KCTD13: variants seen among roughly 807,000 people sequenced by gnomAD.
KCTD13 encodes the protein BTB/POZ domain-containing adapter for CUL3-mediated RhoA degradation protein 1.
Under a neutral mutation model 32.3 loss-of-function variants are expected in KCTD13, and 15 were observed. The observed-to-expected ratio is 0.46, with a 90% CI of 0.31 to 0.71. KCTD13 has a LOEUF of 0.71. Ranked by LOEUF, KCTD13 falls within the 30% of genes least tolerant of loss-of-function variation. The pLI is 0.05. For missense variants in KCTD13, 337 were observed against 452.6 expected, an observed-to-expected ratio of 0.74 and a Z score of 2.32; for synonymous variants, 189 against 200.1, an observed-to-expected ratio of 0.94 and a Z score of 0.47.
At chr16:29,907,806 T>A (rs1234997548) in intron 5 of KCTD13, among the ~76,000 whole-genome samples, 1 of 151,028 alleles carries the variant, frequency 6.6e-6, no homozygotes, top group East Asian at 1.9e-4. Context: ...AATAAATAAA[T>A]AAAATAAAAT....
chr16:29,925,692 G>A (rs1424260360), intron 1 of KCTD13, 98 bp downstream of exon 1: 5 of 1,200,588 alleles, frequency 4.2e-6, no homozygotes, highest in Non-Finnish European at 6.0e-6. Context: ...ACAGTAGCGG[G>A]CAGAGAGAAG....
chr16:29,911,289 T>C, intron 4 of KCTD13, 116 bp from the exon 5 acceptor site: 1 of 800,258 alleles, frequency 1.2e-6, no homozygotes, highest in Non-Finnish European at 2.0e-6. Flanking sequence ...GCTTTGGTGC[T>C]CAACAGAGAG....
intron 2 of KCTD13, chr16:29,912,285 G>A: frequency 3.5e-6 from 2 of 571,332 alleles, no homozygotes; most frequent in Non-Finnish European, 6.1e-6. Context: ...GCCACTGGCT[G>A]TGCCCCTGCC....
At chr16:29,919,833 T>C (rs1296912791) in intron 2 of KCTD13, 4 of 152,174 alleles carry the variant, frequency 2.6e-5, no homozygotes, top group African/African-American at 4.8e-5. Context: ...TTTCTGAAAT[T>C]TCTACAATTA....
chr16:29,909,509 T>C (rs2068668545), intron 5 of KCTD13, among the ~76,000 whole-genome samples: 1 of 152,106 alleles, frequency 6.6e-6, no homozygotes, highest in Non-Finnish European at 1.5e-5. Flanking sequence ...TGCTCAGCAC[T>C]TCATTCCCCT....
rs1032206284 is a variant in KCTD13 at position 29,906,344 on chromosome 16, CAACTT to C, written c.*523_*527del. 3 of 204,726 alleles carry C rather than the reference CAACTT, an allele frequency of 1.5e-5. No individual in the cohort carries two copies. The highest frequency in any genetic ancestry group is 3.0e-5 in the Non-Finnish European group (3 of 100,000). 12.7% of individuals were successfully genotyped at this position (204,726 alleles called of 1,614,324 possible). On this transcript the variant is annotated 3_prime_UTR_variant, in exon 6 of 6. Transcript: ENST00000568000. ...TCCCCAGGAGCCAGCACCAGTTTCTCAACTTAACTTTATTTCAATAATTTAATAGA... is the reference window on the plus strand; with the variant it reads ...TCCCCAGGAGCCAGCACCAGTTTCTCAACTTTATTTCAATAATTTAATAGA...
Position 29,911,124 on chromosome 16 carries a change from C to T in KCTD13, c.607G>A (p.Ala203Thr), listed in dbSNP as rs778129830. 5 of 1,614,056 alleles carry T rather than the reference C, an allele frequency of 3.1e-6. No individual in the cohort carries two copies. The African/African-American group carries it at 4.0e-5, about 13-fold the overall frequency. Residue 203 changes from alanine (A) to threonine (T), a missense_variant, in exon 5 of 6, where the codon GCC becomes ACC. Coordinates refer to ENST00000568000, the MANE Select transcript of KCTD13 (RefSeq NM_178863.5). ...AGTAGCCGCCCGTGGAAGCGCAGGG[C>T]CAGCTTGTCGAACAGCTCGATGTTC... ...LKNIELFDKLALRFHGRLLFL... is the reference protein window; with the variant it reads ...LKNIELFDKLTLRFHGRLLFL...
At chr16:29,925,112 C>G (rs2068973442) in intron 1 of KCTD13, among the ~76,000 whole-genome samples, 1 of 152,176 alleles carries the variant, frequency 6.6e-6, no homozygotes, top group Admixed American at 6.5e-5. Context: ...CCTTAAGACT[C>G]TCCCACTCCC....
At position 29,926,220 on chromosome 16, in the gene KCTD13, G is replaced by C. The variant is rs940286272; in HGVS notation, c.-187C>G. On this transcript the variant is annotated 5_prime_UTR_variant, in exon 1 of 6. Coordinates refer to ENST00000568000, the MANE Select transcript of KCTD13 (RefSeq NM_178863.5). Reference sequence around the variant, plus strand: ...TCGCACCACCCGGAAGCCGGCGCCGGGCAGCTGCGCAGGCGCGGCCCCGCC... The same window carrying C: ...TCGCACCACCCGGAAGCCGGCGCCGCGCAGCTGCGCAGGCGCGGCCCCGCC... The C allele has an allele frequency of 2.9e-5, 18 of 611,166 alleles. No homozygotes were observed. In the Admixed American group the frequency reaches 7.3e-4, roughly 25 times the overall value. 37.9% of individuals were successfully genotyped at this position (611,166 alleles called of 1,614,324 possible).
Position 29,926,226 on chromosome 16 carries a change from T to G in KCTD13, c.-193A>C. On this transcript the variant is annotated 5_prime_UTR_variant, in exon 1 of 6. Coordinates refer to ENST00000568000, the MANE Select transcript of KCTD13 (RefSeq NM_178863.5). ...CACCCGGAAGCCGGCGCCGGGCAGC[T>G]GCGCAGGCGCGGCCCCGCCCCTGAA... 1 of 564,460 alleles carries G rather than the reference T, an allele frequency of 1.8e-6. No individual in the cohort carries two copies. The highest frequency in any genetic ancestry group is 3.7e-5 in the South Asian group (1 of 27,114). The allele number at this position is 564,460 out of a possible 1,614,324, so 35.0% of individuals were successfully genotyped here.
At chr16:29,913,880 A>G (rs964896861) in intron 2 of KCTD13, 1 of 152,138 alleles carries the variant, frequency 6.6e-6, no homozygotes, top group African/African-American at 2.4e-5. Context: ...CCCAGGCTGG[A>G]GTGCAGTGGC....
rs747582222 is a variant in KCTD13, at chr16:29,923,393, G to A, written c.245-34C>T. ...GTGGGGAGAGGCAGGGGGAAAGATG[G>A]CTTTGCTGCGGGACCTGGAGCTACT... is the stretch of plus-strand genomic sequence containing the variant. On this transcript the variant is annotated intron_variant, in intron 1 of 5. Transcript: ENST00000568000. The A allele has an allele frequency of 3.8e-6, 6 of 1,599,884 alleles. No individual in the cohort carries two copies. The East Asian group carries it at 9.0e-5, about 24-fold the overall frequency.
chr16:29,907,117 G>A lies in KCTD13; in HGVS notation c.754-9C>T, dbSNP rs769071411. 5 of 1,586,428 alleles carry A rather than the reference G, an allele frequency of 3.2e-6. No individual in the cohort carries two copies. Among genetic ancestry groups the A allele is most frequent in the Non-Finnish European group, 4.3e-6 (5 of 1,159,522 alleles). On this transcript the variant is annotated splice_polypyrimidine_tract_variant and intron_variant, in intron 5 of 5. Transcript: ENST00000568000. ...GCCTCTGGAAATTCCACCTGCAAAA[G>A]GCCAGCCGGCCCCAGCTCCTTCCTT... is the stretch of plus-strand genomic sequence containing the variant.
chr16:29,909,809 C>T (rs967451617), intron 5 of KCTD13, among the ~76,000 whole-genome samples: 1 of 151,808 alleles, frequency 6.6e-6, no homozygotes, highest in Non-Finnish European at 1.5e-5. Flanking sequence ...GTGGCTCACA[C>T]CTATAATCCA....
At position 29,917,941 on chromosome 16, in the gene KCTD13, C is replaced by T. The variant is rs572864690; in HGVS notation, c.414+5249G>A. On this transcript the variant is annotated intron_variant, in intron 2 of 5. Coordinates refer to ENST00000568000, the MANE Select transcript of KCTD13 (RefSeq NM_178863.5). ...CTAACCTGGGTGACAGATCAAGACT[C>T]TGCCTCAAAAAATAAAAATAAAACT... 2.8e-3 allele frequency among the ~76,000 whole-genome samples: 423 copies of T among 152,160 alleles called. 2 individuals carry two copies. Among genetic ancestry groups the T allele is most frequent in the Non-Finnish European group, 4.8e-3 (329 of 67,992 alleles).
At chr16:29,925,601 G>A in intron 1 of KCTD13, 189 bp downstream of exon 1, 1 of 627,372 alleles carries the variant, frequency 1.6e-6, no homozygotes, top group East Asian at 2.8e-5. Flanking sequence ...AAGGATTGGG[G>A]GAGGAGAAGA....
rs9928945 is a variant in KCTD13, at chr16:29,923,403, G to A, written c.245-44C>T. 1.8e-4 allele frequency: 277 copies of A among 1,569,266 alleles called. 1 individual carries two copies. The East Asian group carries it at 2.1e-3, about 12-fold the overall frequency. ...GCAGGGGGAAAGATGGCTTTGCTGC[G>A]GGACCTGGAGCTACTAAATTAAAAA... On this transcript the variant is annotated intron_variant, in intron 1 of 5. Transcript: ENST00000568000.
At chr16:29,925,765 G>C (rs1238713423) in intron 1 of KCTD13, 25 bp downstream of exon 1, 14 of 1,609,138 alleles carry the variant, frequency 8.7e-6, no homozygotes, top group African/African-American at 1.3e-5. Flanking sequence ...CTGGGGTGGG[G>C]GCACGGTAGG....
At chr16:29,915,059 C>A (rs981015010) in intron 2 of KCTD13, 5 of 151,924 alleles carry the variant, frequency 3.3e-5, no homozygotes, top group Non-Finnish European at 5.9e-5. Context: ...ATTCTGTAAT[C>A]CAGTTGGAGA....
Sources: gnomAD v4.1 joint callset for allele counts (sites outside exome capture counted in the v4.1 genomes callset) on GRCh38, gnomAD v4.1.1 for gene constraint, MANE v1.5 for transcripts, NCBI Gene and HGNC (gene_info 2026-07-23, HGNC 2026-07-21) for gene names.